The following ADARB2 variants were observed in gnomAD, a reference collection of about 807,000 sequenced individuals.
The protein encoded by ADARB2 is adenosine deaminase RNA specific B2 (inactive), also known as inactive double-stranded RNA-specific editase B2.
Under a neutral mutation model 62.2 loss-of-function variants are expected in ADARB2, and 25 were observed. That is an observed-to-expected ratio of 0.40 (90% CI 0.29 to 0.56). The LOEUF is 0.56. Ranked by LOEUF, ADARB2 falls within the 20% of genes least tolerant of loss-of-function variation. The pLI is 0.43. For missense variants in ADARB2, 1,071 were observed against 1,077.4 expected, an observed-to-expected ratio of 0.99 and a Z score of 0.08; for synonymous variants, 572 against 500.8, an observed-to-expected ratio of 1.14 and a Z score of -1.90.
intron 1 of ADARB2, among the ~76,000 whole-genome samples, chr10:1,631,794 T>C (rs1014860000): frequency 4.6e-5 from 7 of 152,194 alleles, no homozygotes; most frequent in South Asian, 2.1e-4. Flanking sequence ...TTTTAAATGG[T>C]AATTTGTAAA....
At chr10:1,326,842 C>CG in intron 3 of ADARB2, among the ~76,000 whole-genome samples, 1 of 89,350 alleles carries the variant, frequency 1.1e-5, no homozygotes, top group African/African-American at 4.1e-5. Context: ...CTCCCCACGG[C>CG]CCAGCGCCTC....
At chr10:1,572,311 G>A (rs371031809) in intron 1 of ADARB2, among the ~76,000 whole-genome samples, 3 of 152,156 alleles carry the variant, frequency 2.0e-5, no homozygotes, top group Non-Finnish European at 2.9e-5. Context: ...TTGCAGGTGC[G>A]TGTGCAGGTG....
At chr10:1,299,796 G>C (rs1589184258) in intron 3 of ADARB2, among the ~76,000 whole-genome samples, 1 of 152,212 alleles carries the variant, frequency 6.6e-6, no homozygotes, top group African/African-American at 2.4e-5. Context: ...TGGGCTCCTG[G>C]GCAAAGAGAG....
At chr10:1,458,713 C>T (rs111826914) in intron 1 of ADARB2, among the ~76,000 whole-genome samples, 79 of 152,260 alleles carry the variant, frequency 5.2e-4, no homozygotes, top group Middle Eastern at 3.4e-3. Flanking sequence ...ATAACGAGGG[C>T]GGTAGCCACC....
intron 1 of ADARB2, among the ~76,000 whole-genome samples, chr10:1,578,474 T>G (rs1385587130): frequency 1.3e-5 from 2 of 152,226 alleles, no homozygotes; most frequent in African/African-American, 4.8e-5. Flanking sequence ...AACAAGTCAC[T>G]GGCAGTAGTG....
chr10:1,505,133 C>T (rs1358765042), intron 1 of ADARB2, among the ~76,000 whole-genome samples: 1 of 151,682 alleles, frequency 6.6e-6, no homozygotes, highest in Non-Finnish European at 1.5e-5. Context: ...TAGACATGCA[C>T]ACATACAGAC....
At chr10:1,498,792 T>A (rs1831724115) in intron 1 of ADARB2, among the ~76,000 whole-genome samples, 1 of 152,218 alleles carries the variant, frequency 6.6e-6, no homozygotes, top group African/African-American at 2.4e-5. Flanking sequence ...CATCACTGAC[T>A]CATCACTTAC....
intron 3 of ADARB2, among the ~76,000 whole-genome samples, chr10:1,362,137 T>C (rs1029300783): frequency 2.0e-5 from 3 of 152,242 alleles, no homozygotes; most frequent in South Asian, 4.1e-4. Context: ...ACTGACTTCC[T>C]AGAGCTGAAT....
chr10:1,735,488 CA>C (rs569004714), intron 1 of ADARB2, among the ~76,000 whole-genome samples: 124 of 152,262 alleles, frequency 8.1e-4, no homozygotes, highest in Non-Finnish European at 1.7e-3. Flanking sequence ...ATAGACTAAT[CA>C]AAAAATATTG....
At chr10:1,458,177 C>T (rs576036651) in intron 1 of ADARB2, among the ~76,000 whole-genome samples, 5 of 152,262 alleles carry the variant, frequency 3.3e-5, no homozygotes, top group South Asian at 4.2e-4. Context: ...TCTCTAGGCA[C>T]GTGTCCATCT....
chr10:1,377,252 G>A (rs1832441002), intron 2 of ADARB2, among the ~76,000 whole-genome samples: 1 of 135,216 alleles, frequency 7.4e-6, no homozygotes, highest in Admixed American at 7.2e-5. Context: ...CCCCTGGGGT[G>A]TGTGTGTTTG....
chr10:1,568,545 AAAGAAAGAAAGAAAAGAAGGAAGG>A (rs1210765068), intron 1 of ADARB2, among the ~76,000 whole-genome samples: 1 of 151,872 alleles, frequency 6.6e-6, no homozygotes, highest in Non-Finnish European at 1.5e-5. Flanking sequence ...AGAAGAAAGA[AAAGAAAGAAAGAAAAGAAGGAAGG>A]AAGAAAGAAA....
intron 1 of ADARB2, among the ~76,000 whole-genome samples, chr10:1,540,413 C>T (rs1254392715): frequency 6.6e-6 from 1 of 152,144 alleles, no homozygotes; most frequent in African/African-American, 2.4e-5. Flanking sequence ...CACCTGCGGC[C>T]TTAGAAGGTA....
intron 1 of ADARB2, among the ~76,000 whole-genome samples, chr10:1,452,680 C>G (rs1369471950): frequency 6.6e-6 from 1 of 151,682 alleles, no homozygotes; most frequent in Non-Finnish European, 1.5e-5. Flanking sequence ...AGGGACAGCA[C>G]TAGGAGAACT....
intron 1 of ADARB2, among the ~76,000 whole-genome samples, chr10:1,669,657 C>G (rs1834356977): frequency 1.3e-5 from 2 of 151,294 alleles, no homozygotes; most frequent in Non-Finnish European, 3.0e-5. Context: ...GATACACACA[C>G]AGGGAGACAC....
At chr10:1,186,694 A>G in intron 8 of ADARB2, 1 of 423,694 alleles carries the variant, frequency 2.4e-6, no homozygotes, top group South Asian at 1.7e-5. Context: ...TGCAGAGAAG[A>G]ACTTGGCGTC....
At chr10:1,269,940 G>A (rs1438237134) in intron 4 of ADARB2, among the ~76,000 whole-genome samples, 1 of 152,174 alleles carries the variant, frequency 6.6e-6, no homozygotes, top group South Asian at 2.1e-4. Context: ...GGCCAGGGTG[G>A]GGCTGGTATA....
chr10:1,710,640 A>T (rs953667898), intron 1 of ADARB2, among the ~76,000 whole-genome samples: 12 of 152,352 alleles, frequency 7.9e-5, no homozygotes, highest in South Asian at 4.1e-4. Context: ...TGATCAGTTT[A>T]TCTGGGTTCA....
chr10:1,311,779 C>T (rs574033164), intron 3 of ADARB2, among the ~76,000 whole-genome samples: 1 of 152,218 alleles, frequency 6.6e-6, no homozygotes, highest in East Asian at 1.9e-4. Flanking sequence ...AGCTGGCACC[C>T]GAGCTACCAT....
Sources: gnomAD v4.1 joint callset for allele counts (sites outside exome capture counted in the v4.1 genomes callset) on GRCh38, gnomAD v4.1.1 for gene constraint, MANE v1.5 for transcripts, NCBI Gene and HGNC (gene_info 2026-07-23, HGNC 2026-07-21) for gene names.